TUT7: variants seen among roughly 807,000 people sequenced by gnomAD.
TUT7 encodes the protein terminal uridylyl transferase 7, also known as terminal uridylyltransferase 7.
Under a neutral mutation model 165.9 loss-of-function variants are expected in TUT7, and 33 were observed. The ratio of observed to expected loss-of-function variants is 0.20; its 90% confidence interval spans 0.15 to 0.27. The LOEUF (loss-of-function observed/expected upper bound fraction) is 0.27, where lower values mean the gene tolerates loss of function less well. Ranked by LOEUF, TUT7 falls within the 10% of genes least tolerant of loss-of-function variation. The pLI, the probability that TUT7 is intolerant of heterozygous loss-of-function variation, is 1.00. For synonymous variants in TUT7, 552 were observed against 608.1 expected (o/e 0.91, Z 1.36); for missense variants, 1,338 against 1,762.3 (o/e 0.76, Z 4.31).
At position 86,325,402 on chromosome 9, in the gene TUT7, C is replaced by T; in HGVS notation, c.1721G>A (p.Ser574Asn). Residue 574 changes from serine to asparagine, a missense_variant, in exon 12 of 27, where the codon AGT becomes AAT. This residue lies in a region of TUT7 where 28 missense variants were observed against 69.4 expected (regional missense o/e 0.40). Transcript: ENST00000375963. ...LEFNLADLVISIRVKELVSRE... is the reference protein window; with the variant it reads ...LEFNLADLVINIRVKELVSRE... ...AGATACCAATTCTTTGACACGAATACTTATCACTAAATCAGCCAAATTAAA... is the reference window on the plus strand; with the variant it reads ...AGATACCAATTCTTTGACACGAATATTTATCACTAAATCAGCCAAATTAAA... 1.9e-6 allele frequency: 3 copies of T among 1,614,116 alleles called. No individual in the cohort carries two copies. Among genetic ancestry groups the T allele is most frequent in the Non-Finnish European group, 2.5e-6 (3 of 1,180,012 alleles).
Position 86,352,945 on chromosome 9 carries a change from A to T in TUT7, c.255T>A (p.Ser85Arg). Residue 85 changes from serine (S) to arginine (R), a missense_variant, in exon 2 of 27, where the codon AGT becomes AGA. Ser to Arg is a moderately radical substitution (Grantham distance 110). This residue lies in a region of TUT7 where 434 missense variants were observed against 480.8 expected (regional missense o/e 0.90). Transcript: ENST00000375963. Reference protein sequence around the residue: ...NPYAFKNPIYSQPAWMNDSHK... With the variant: ...NPYAFKNPIYRQPAWMNDSHK... ...GGCTGTCATTCATCCAAGCGGGTTG[A>T]CTGTAGATTGGGTTTTTAAATGCAT... The T allele has an allele frequency of 1.2e-6, 2 of 1,614,190 alleles. No homozygotes were observed. The highest frequency in any genetic ancestry group is 1.7e-6 in the Non-Finnish European group (2 of 1,180,042).
chr9:86,324,957 AAAC>A (rs1462361646), intron 12 of TUT7, among the ~76,000 whole-genome samples: 4 of 152,240 alleles, frequency 2.6e-5, no homozygotes, highest in African/African-American at 7.2e-5. Context: ...TTGCAAAACT[AAAC>A]AACTTCAACA....
chr9:86,304,851 C>T lies in TUT7; in HGVS notation c.3978+5G>A. The T allele has an allele frequency of 6.3e-7, 1 of 1,593,602 alleles. No individual in the cohort carries two copies. Among genetic ancestry groups the T allele is most frequent in the Non-Finnish European group, 8.6e-7 (1 of 1,168,176 alleles). On this transcript the variant is annotated splice_donor_5th_base_variant and intron_variant, in intron 24 of 26. Transcript: ENST00000375963. ...TTTATTTTTTGGTATTTCCAACACA[C>T]TTACCATTTTTGAGGGGTAGTCCTT...
intron 2 of TUT7, among the ~76,000 whole-genome samples, chr9:86,350,641 G>A (rs1832196950): frequency 6.6e-6 from 1 of 152,184 alleles, no homozygotes; most frequent in Non-Finnish European, 1.5e-5. Flanking sequence ...TAACCTCTCT[G>A]AGCTGCAGCT....
chr9:86,335,999 A>G (rs1223085475), intron 10 of TUT7, among the ~76,000 whole-genome samples: 1 of 152,210 alleles, frequency 6.6e-6, no homozygotes, highest in South Asian at 2.1e-4. Flanking sequence ...ACTACCCTGA[A>G]GTATCCTTAG....
At chr9:86,318,764 G>C (rs115030293) in intron 16 of TUT7, among the ~76,000 whole-genome samples, 194 bp downstream of exon 16, 1 of 152,156 alleles carries the variant, frequency 6.6e-6, no homozygotes, top group Non-Finnish European at 1.5e-5. Context: ...CAGAGTGAAA[G>C]TATAACCTTT....
chr9:86,328,563 G>A, intron 10 of TUT7, 71 bp from the exon 11 acceptor site: 4 of 1,315,080 alleles, frequency 3.0e-6, no homozygotes, highest in South Asian at 1.8e-5. Context: ...TACTAATCTT[G>A]GAATAAAAAA....
At chr9:86,321,356 C>CA (rs954142275) in intron 14 of TUT7, among the ~76,000 whole-genome samples, 130 of 137,474 alleles carry the variant, frequency 9.5e-4, no homozygotes, top group South Asian at 2.1e-3. Context: ...GACTTTGTCT[C>CA]AAAAAAAAAA....
chr9:86,348,555 C>T (rs1831978778), intron 2 of TUT7, among the ~76,000 whole-genome samples: 1 of 151,976 alleles, frequency 6.6e-6, no homozygotes, highest in Non-Finnish European at 1.5e-5. Flanking sequence ...AAGTTCAAGA[C>T]CAGCCTGGAC....
chr9:86,308,333 C>G, intron 22 of TUT7, 96 bp downstream of exon 22: 1 of 1,170,890 alleles, frequency 8.5e-7, no homozygotes, highest in Non-Finnish European at 1.2e-6. Context: ...ACTGCACACC[C>G]CAAGCAGCTG....
At chr9:86,316,053 C>T (rs1408745261) in intron 17 of TUT7, among the ~76,000 whole-genome samples, 1 of 152,124 alleles carries the variant, frequency 6.6e-6, no homozygotes. Flanking sequence ...TTTTCATGGA[C>T]AGACCATGGA....
Position 86,298,654 on chromosome 9 carries a change from G to A in TUT7, c.4420+2622C>T, listed in dbSNP as rs145871101. On this transcript the variant is annotated intron_variant, in intron 26 of 26. Transcript: ENST00000375963. Reference sequence around the variant, plus strand: ...TTTTAAAGTTCCCCCAAGTGATTCTGATGTCCAATCCCTGTTAAAAGCACA... The same window carrying A: ...TTTTAAAGTTCCCCCAAGTGATTCTAATGTCCAATCCCTGTTAAAAGCACA... 44 of 374,754 alleles carry A rather than the reference G, an allele frequency of 1.2e-4. No homozygotes were observed. In the East Asian group the frequency reaches 6.7e-3, roughly 57 times the overall value. The allele number at this position is 374,754 out of a possible 1,614,324, so 23.2% of individuals were successfully genotyped here.
chr9:86,316,595 A>G (rs911045025), intron 17 of TUT7, among the ~76,000 whole-genome samples: 2 of 152,262 alleles, frequency 1.3e-5, no homozygotes, highest in African/African-American at 4.8e-5. Flanking sequence ...ACGCCAACAA[A>G]GGAAAAGGAT....
chr9:86,352,470 T>C, intron 2 of TUT7: 1 of 642,182 alleles, frequency 1.6e-6, no homozygotes, highest in Non-Finnish European at 2.7e-6. Context: ...AAAGTAAACT[T>C]TTAAAGGGAT....
intron 20 of TUT7, 76 bp from the exon 21 acceptor site, chr9:86,309,365 TA>T: frequency 7.0e-7 from 1 of 1,422,188 alleles, no homozygotes; most frequent in Non-Finnish European, 9.7e-7. Context: ...GGAAAATAGG[TA>T]AAAAATTAAC....
At chr9:86,344,058 C>G (rs1831545030) in intron 5 of TUT7, among the ~76,000 whole-genome samples, 1 of 152,072 alleles carries the variant, frequency 6.6e-6, no homozygotes, top group African/African-American at 2.4e-5. Context: ...GATTATTTTC[C>G]CTTATTCTTA....
chr9:86,319,286 T>C (rs1829010975), intron 15 of TUT7, among the ~76,000 whole-genome samples: 1 of 152,252 alleles, frequency 6.6e-6, no homozygotes, highest in Non-Finnish European at 1.5e-5. Flanking sequence ...TGCTCCTTTA[T>C]TCTTAAATGC....
In TUT7 at chr9:86,323,603, T is replaced by A; in HGVS notation, c.2147A>T (p.His716Leu). ...TGAGTTTTCAGGGTGGACACTGATG[T>A]GTTCATTTCCCATTTCTTCTTTTGG... Reference protein sequence around the residue: ...SPPKEEMGNEHISVHPENSDC... With the variant: ...SPPKEEMGNELISVHPENSDC... The change falls in exon 13 of 27, where the codon CAC becomes CTC. Residue 716 changes from histidine (H) to leucine (L), a missense_variant. His to Leu is a moderately conservative substitution (Grantham distance 99). Around this residue, in one of 7 missense-constraint regions of TUT7, gnomAD observed 425 missense variants for 474.9 expected, o/e 0.89. Transcript: ENST00000375963. 1 of 1,614,240 alleles carries A rather than the reference T, an allele frequency of 6.2e-7. No individual in the cohort carries two copies. Among genetic ancestry groups the A allele is most frequent in the Non-Finnish European group, 8.5e-7 (1 of 1,180,044 alleles).
chr9:86,345,757 T>C lies in TUT7; in HGVS notation c.731A>G (p.Tyr244Cys). ...TAAAACATCACAGAGTCTGCAGGTG[T>C]ACTTTGCTGTAGGGTAGTTTCGTGG... Reference protein sequence around the residue: ...RRPRNYPTAKYTCRLCDVLIE... With the variant: ...RRPRNYPTAKCTCRLCDVLIE... Residue 244 changes from tyrosine (Y) to cysteine (C), a missense_variant, in exon 4 of 27, where the codon TAC becomes TGC. Around this residue, in one of 7 missense-constraint regions of TUT7, gnomAD observed 434 missense variants for 480.8 expected, o/e 0.90. Coordinates refer to ENST00000375963, the MANE Select transcript of TUT7 (RefSeq NM_024617.4). The C allele has an allele frequency of 6.2e-7, 1 of 1,613,362 alleles. No individual in the cohort carries two copies. Among genetic ancestry groups the C allele is most frequent in the Non-Finnish European group, 8.5e-7 (1 of 1,179,604 alleles).
Sources: allele counts gnomAD v4.1 joint callset (sites outside exome capture counted in the v4.1 genomes callset), GRCh38; gene constraint gnomAD v4.1.1; regional missense constraint gnomAD v4.1.1; transcripts MANE v1.5; gene names NCBI Gene and HGNC (gene_info 2026-07-23, HGNC 2026-07-21).